UBTD2: variants seen among roughly 807,000 people sequenced by gnomAD.
UBTD2 encodes ubiquitin domain-containing protein 2.
In UBTD2, 9 loss-of-function variants were observed where a neutral mutation model predicts 19.8. That is an observed-to-expected ratio of 0.46 (90% CI 0.27 to 0.79). UBTD2 has a LOEUF of 0.79. Ranked by LOEUF, UBTD2 falls within the 30% of genes least tolerant of loss-of-function variation. The pLI is 0.14. For synonymous variants in UBTD2, 98 were observed against 103.9 expected, an observed-to-expected ratio of 0.94 and a Z score of 0.35; for missense variants, 250 against 300.4, an observed-to-expected ratio of 0.83 and a Z score of 1.24.
chr5:172,278,292 T>C (rs1485138018), intron 1 of UBTD2, among the ~76,000 whole-genome samples: 2 of 151,052 alleles, frequency 1.3e-5, no homozygotes, highest in Non-Finnish European at 3.0e-5. Flanking sequence ...AAAAAAAAAG[T>C]GGTATATACA....
intron 1 of UBTD2, among the ~76,000 whole-genome samples, chr5:172,249,273 C>G (rs1407985562): frequency 6.6e-6 from 1 of 151,564 alleles, no homozygotes. Flanking sequence ...GTGGCATGTG[C>G]CTGTAATCCC....
intron 1 of UBTD2, chr5:172,255,072 A>C: frequency 2.0e-6 from 1 of 494,952 alleles, no homozygotes; most frequent in Non-Finnish European, 4.0e-6. Context: ...TGCGGCATGG[A>C]CAAGTGGCAC....
intron 2 of UBTD2, among the ~76,000 whole-genome samples, chr5:172,219,514 A>G (rs1258514428): frequency 6.6e-6 from 1 of 152,206 alleles, no homozygotes; most frequent in Non-Finnish European, 1.5e-5. Flanking sequence ...CTTAGTAGCC[A>G]TCTTGGTTAT....
At chr5:172,237,009 G>A (rs1174515338) in intron 1 of UBTD2, among the ~76,000 whole-genome samples, 1 of 152,160 alleles carries the variant, frequency 6.6e-6, no homozygotes, top group Non-Finnish European at 1.5e-5. Flanking sequence ...ACTAAGCATA[G>A]ATGAACAAAG....
chr5:172,256,782 G>A (rs1157107665), intron 1 of UBTD2, among the ~76,000 whole-genome samples: 4 of 152,016 alleles, frequency 2.6e-5, no homozygotes, highest in Non-Finnish European at 4.4e-5. Context: ...TTAGCCAGGC[G>A]TGGTGGCAGA....
At chr5:172,256,894 G>C (rs1186284952) in intron 1 of UBTD2, among the ~76,000 whole-genome samples, 1 of 152,106 alleles carries the variant, frequency 6.6e-6, no homozygotes, top group Admixed American at 6.6e-5. Context: ...CTCCAGTCTG[G>C]GCGATAACAG....
Position 172,238,005 on chromosome 5 carries a change from A to G in UBTD2, c.71-3647T>C, listed in dbSNP as rs1204341119. 3.9e-5 allele frequency among the ~76,000 whole-genome samples: 6 copies of G among 152,322 alleles called. No individual in the cohort carries two copies. The East Asian group carries it at 1.2e-3, about 29-fold the overall frequency. On this transcript the variant is annotated intron_variant, in intron 1 of 2. Coordinates refer to ENST00000393792, the MANE Select transcript of UBTD2 (RefSeq NM_152277.3). ...ACACTTGCTAGGCATTTGTTCACCA[A>G]ATCTTATCCTTTGAGTTCAGGTGGT...
At chr5:172,263,851 C>CTGTGTGTGTG (rs111856574) in intron 1 of UBTD2, among the ~76,000 whole-genome samples, 13,615 of 142,274 alleles carry the variant, frequency 0.096, 703 homozygotes, top group Middle Eastern at 0.14. Context: ...GCACGTGCCT[C>CTGTGTGTGTG]TGTGTGTGTG....
intron 1 of UBTD2, among the ~76,000 whole-genome samples, chr5:172,236,243 G>A (rs1006184936): frequency 6.6e-6 from 1 of 152,198 alleles, no homozygotes; most frequent in Non-Finnish European, 1.5e-5. Flanking sequence ...ACTTGTCCTA[G>A]TGAAATGCAA....
At chr5:172,271,057 C>T (rs1159125689) in intron 1 of UBTD2, among the ~76,000 whole-genome samples, 6 of 152,036 alleles carry the variant, frequency 3.9e-5, no homozygotes, top group African/African-American at 9.7e-5. Flanking sequence ...TATGTTTTTT[C>T]GTATCTCTGT....
intron 2 of UBTD2, among the ~76,000 whole-genome samples, chr5:172,223,311 A>C (rs1284882893): frequency 6.6e-6 from 1 of 152,088 alleles, no homozygotes; most frequent in Non-Finnish European, 1.5e-5. Flanking sequence ...TAATATAAAA[A>C]AGCAAACACT....
chr5:172,275,497 T>A (rs1755589684), intron 1 of UBTD2, among the ~76,000 whole-genome samples: 1 of 152,142 alleles, frequency 6.6e-6, no homozygotes, highest in Non-Finnish European at 1.5e-5. Flanking sequence ...CTTCCCTCTT[T>A]CCCAATTCAA....
chr5:172,280,848 T>C (rs1266503116), intron 1 of UBTD2, among the ~76,000 whole-genome samples: 1 of 152,152 alleles, frequency 6.6e-6, no homozygotes, highest in African/African-American at 2.4e-5. Context: ...ATCTCCCAAA[T>C]TCCTTCAAAG....
In UBTD2 at chr5:172,210,063, T is replaced by TA. The variant is rs1172360990; in HGVS notation, c.*1766dup. 1.3e-5 allele frequency: 2 copies of TA among 152,200 alleles called. No homozygotes were observed. Among genetic ancestry groups the TA allele is most frequent in the Non-Finnish European group, 2.9e-5 (2 of 68,034 alleles). 9.4% of individuals were successfully genotyped at this position (152,200 alleles called of 1,614,324 possible). On this transcript the variant is annotated 3_prime_UTR_variant, in exon 3 of 3. Transcript: ENST00000393792. Reference sequence around the variant, plus strand: ...TGATTTACCCTAATATCTCCACCTCTAAACATAAAAAAAATCTCCTTTGGG... The same window carrying TA: ...TGATTTACCCTAATATCTCCACCTCTAAAACATAAAAAAAATCTCCTTTGGG...
chr5:172,236,073 A>T (rs1243494554), intron 1 of UBTD2, among the ~76,000 whole-genome samples: 1 of 151,934 alleles, frequency 6.6e-6, no homozygotes, highest in Non-Finnish European at 1.5e-5. Context: ...AAATAAAATG[A>T]CTCCAGACCC....
intron 1 of UBTD2, among the ~76,000 whole-genome samples, chr5:172,251,158 A>C (rs1755002118): frequency 7.0e-6 from 1 of 141,936 alleles, no homozygotes; most frequent in African/African-American, 2.6e-5. Flanking sequence ...CTAAAAATAC[A>C]AAAAAAAAAA....
chr5:172,246,211 C>A (rs909711803), intron 1 of UBTD2, among the ~76,000 whole-genome samples: 3 of 151,904 alleles, frequency 2.0e-5, no homozygotes, highest in Middle Eastern at 3.4e-3. Flanking sequence ...GAGCCAAATA[C>A]AAATTTTATA....
At chr5:172,239,016 T>G (rs1772068411) in intron 1 of UBTD2, among the ~76,000 whole-genome samples, 1 of 152,164 alleles carries the variant, frequency 6.6e-6, no homozygotes, top group Non-Finnish European at 1.5e-5. Flanking sequence ...AAATTTAGAA[T>G]GCACTATATA....
rs1426610998 is a variant in UBTD2, at chr5:172,210,320, C to T, written c.*1510G>A. 2 of 152,160 alleles carry T rather than the reference C, an allele frequency of 1.3e-5. No homozygotes were observed. The highest frequency in any genetic ancestry group is 2.9e-5 in the Non-Finnish European group (2 of 68,040). The allele number at this position is 152,160 out of a possible 1,614,324, so 9.4% of individuals were successfully genotyped here. The stretch of plus-strand genomic sequence containing the variant: ...CATTTTGTCATTAAAATTAATAATG[C>T]ACTTCACATCCAAACAGGTGTGGAG... On this transcript the variant is annotated 3_prime_UTR_variant, in exon 3 of 3. Coordinates refer to ENST00000393792, the MANE Select transcript of UBTD2 (RefSeq NM_152277.3).
Sources: gnomAD v4.1 joint callset for allele counts (sites outside exome capture counted in the v4.1 genomes callset) on GRCh38, gnomAD v4.1.1 for gene constraint, MANE v1.5 for transcripts, NCBI Gene and HGNC (gene_info 2026-07-23, HGNC 2026-07-21) for gene names.